SHANK2: variants seen among roughly 807,000 people sequenced by gnomAD.
SHANK2 encodes SH3 and multiple ankyrin repeat domains 2, also known as SH3 and multiple ankyrin repeat domains protein 2.
SHANK2 carries 43 observed loss-of-function variants against 133.7 expected under a neutral mutation model. That is an observed-to-expected ratio of 0.32 (90% CI 0.25 to 0.41). SHANK2 has a LOEUF of 0.41. SHANK2 is among the 10% of genes least tolerant of loss of function. SHANK2 has a pLI of 1.00. For synonymous variants in SHANK2, 1,017 were observed against 952.8 expected (o/e 1.07, Z -1.24); for missense variants, 1,994 against 2,235.8 (o/e 0.89, Z 2.18).
At chr11:70,862,472 G>A (rs964151595) in intron 11 of SHANK2, among the ~76,000 whole-genome samples, 4 of 152,216 alleles carry the variant, frequency 2.6e-5, no homozygotes, top group Non-Finnish European at 4.4e-5. Flanking sequence ...GGTATTTGGA[G>A]CCTGGACTGG....
chr11:71,212,492 T>C (rs1224531150), intron 2 of SHANK2, among the ~76,000 whole-genome samples: 3 of 152,208 alleles, frequency 2.0e-5, no homozygotes. Context: ...TTGTATCATC[T>C]TCGTCCTCAC....
chr11:70,885,269 C>T (rs1271208174), intron 11 of SHANK2, among the ~76,000 whole-genome samples: 5 of 152,140 alleles, frequency 3.3e-5, no homozygotes, highest in Admixed American at 2.6e-4. Context: ...TCTGCCCTTC[C>T]GTGGGGGATG....
intron 14 of SHANK2, among the ~76,000 whole-genome samples, chr11:70,727,984 C>T (rs201629461): frequency 5.3e-4 from 81 of 152,290 alleles, no homozygotes; most frequent in African/African-American, 1.8e-3. Context: ...AAGTTATTTA[C>T]GGGCTCAGCA....
intron 25 of SHANK2, among the ~76,000 whole-genome samples, chr11:70,482,388 G>A (rs1331123936): frequency 3.3e-5 from 5 of 152,238 alleles, no homozygotes; most frequent in South Asian, 2.1e-4. Flanking sequence ...CCTGAGAGCA[G>A]CCCCGCCCGC....
chr11:70,638,478 C>G (rs562294459), intron 17 of SHANK2, among the ~76,000 whole-genome samples: 4 of 152,178 alleles, frequency 2.6e-5, no homozygotes, highest in South Asian at 2.1e-4. Context: ...GCCTGACCCC[C>G]GGCTCCTCTG....
intron 1 of SHANK2, among the ~76,000 whole-genome samples, chr11:71,225,431 T>C (rs1385571857): frequency 1.3e-5 from 2 of 152,208 alleles, no homozygotes; most frequent in Admixed American, 1.3e-4. Context: ...GGCATTAGTA[T>C]AGGCAGCATG....
chr11:70,789,717 T>C (rs1015963241), intron 14 of SHANK2, among the ~76,000 whole-genome samples: 5 of 152,132 alleles, frequency 3.3e-5, no homozygotes, highest in Non-Finnish European at 5.9e-5. Context: ...GAATGTGGCA[T>C]CTTATGCCCC....
At chr11:70,592,989 G>A (rs552942201) in intron 17 of SHANK2, among the ~76,000 whole-genome samples, 39 of 152,274 alleles carry the variant, frequency 2.6e-4, no homozygotes, top group African/African-American at 4.3e-4. Context: ...AGGGACTCAC[G>A]AAGGGAGCCT....
intron 3 of SHANK2, among the ~76,000 whole-genome samples, chr11:71,119,864 A>G (rs1266136489): frequency 2.6e-5 from 4 of 152,138 alleles, no homozygotes; most frequent in African/African-American, 9.7e-5. Flanking sequence ...TTTCAATGTG[A>G]CTTAATTTTG....
intron 6 of SHANK2, 47 bp from the exon 7 acceptor site, chr11:71,094,735 T>C: frequency 6.5e-7 from 1 of 1,534,442 alleles, no homozygotes; most frequent in African/African-American, 1.4e-5. Flanking sequence ...TTTGTCACAC[T>C]GCTCACAAAG....
At chr11:70,531,155 CAAAAAA>C (rs58867931) in intron 17 of SHANK2, among the ~76,000 whole-genome samples, 2 of 88,160 alleles carry the variant, frequency 2.3e-5, no homozygotes, top group African/African-American at 8.5e-5. Flanking sequence ...ACGACTGTCT[CAAAAAA>C]AAAAAAAAAA....
intron 1 of SHANK2, among the ~76,000 whole-genome samples, chr11:71,241,219 A>G (rs909874160): frequency 8.5e-5 from 13 of 152,228 alleles, no homozygotes; most frequent in African/African-American, 3.1e-4. Flanking sequence ...AGTCTGAAAG[A>G]ACAAGATCCT....
chr11:70,653,946 C>G (rs2061372222), intron 17 of SHANK2, among the ~76,000 whole-genome samples: 1 of 152,194 alleles, frequency 6.6e-6, no homozygotes, highest in Admixed American at 6.5e-5. Context: ...ATGAGATACT[C>G]CCAGGGTCTC....
intron 17 of SHANK2, among the ~76,000 whole-genome samples, chr11:70,625,145 C>G (rs976004651): frequency 6.6e-6 from 1 of 152,226 alleles, no homozygotes; most frequent in South Asian, 2.1e-4. Context: ...GACAGGCAGG[C>G]GTGGGGGGCA....
intron 1 of SHANK2, among the ~76,000 whole-genome samples, chr11:71,236,260 A>G (rs537949087): frequency 2.0e-5 from 3 of 152,354 alleles, no homozygotes; most frequent in African/African-American, 7.2e-5. Flanking sequence ...AAATTTAAAA[A>G]TGCATTATGC....
intron 4 of SHANK2, among the ~76,000 whole-genome samples, chr11:71,116,362 G>A (rs1040279925): frequency 3.3e-5 from 5 of 152,334 alleles, no homozygotes; most frequent in South Asian, 2.1e-4. Flanking sequence ...CTTAACTGAC[G>A]TAACCCAACA....
chr11:71,178,985 G>GTGAA (rs1359397699), intron 2 of SHANK2, among the ~76,000 whole-genome samples: 4 of 151,902 alleles, frequency 2.6e-5, no homozygotes, highest in Non-Finnish European at 5.9e-5. Flanking sequence ...TTCGTCTGAA[G>GTGAA]TGAATGAATG....
chr11:70,558,740 A>C (rs4980610), intron 17 of SHANK2, among the ~76,000 whole-genome samples: 147,538 of 152,198 alleles, frequency 0.97, 71,682 homozygotes, highest in East Asian at 1. Flanking sequence ...GACTGTGCAC[A>C]CCTGAGCGGG....
At chr11:71,234,602 C>T (rs7130781) in intron 1 of SHANK2, among the ~76,000 whole-genome samples, 118 of 152,194 alleles carry the variant, frequency 7.8e-4, no homozygotes, top group African/African-American at 2.4e-3. Context: ...CCAGCCTGCC[C>T]GAGCCTCGGT....
Sources: allele counts gnomAD v4.1 joint callset (sites outside exome capture counted in the v4.1 genomes callset), GRCh38; gene constraint gnomAD v4.1.1; transcripts MANE v1.5; gene names NCBI Gene and HGNC (gene_info 2026-07-23, HGNC 2026-07-21).